ARHGAP42: variants seen among roughly 807,000 people sequenced by gnomAD.
ARHGAP42 encodes Rho GTPase activating protein 42, also known as rho GTPase-activating protein 42.
Under a neutral mutation model 125.0 loss-of-function variants are expected in ARHGAP42, and 63 were observed. That is an observed-to-expected ratio of 0.50 (90% CI 0.41 to 0.62). The LOEUF is 0.62. Ranked by LOEUF, ARHGAP42 falls within the 20% of genes least tolerant of loss-of-function variation. The pLI is 0.00. For synonymous variants in ARHGAP42, 339 were observed against 351.0 expected, an observed-to-expected ratio of 0.97 and a Z score of 0.38; for missense variants, 766 against 1,024.2, an observed-to-expected ratio of 0.75 and a Z score of 3.44.
At chr11:100,985,074 C>T (rs544581293) in intron 22 of ARHGAP42, among the ~76,000 whole-genome samples, 1 of 152,144 alleles carries the variant, frequency 6.6e-6, no homozygotes, top group East Asian at 1.9e-4. Context: ...ATTTATTTAG[C>T]GATATAATTA....
At chr11:100,756,585 C>G (rs1053328118) in intron 1 of ARHGAP42, among the ~76,000 whole-genome samples, 1 of 152,116 alleles carries the variant, frequency 6.6e-6, no homozygotes, top group Non-Finnish European at 1.5e-5. Flanking sequence ...TGAATGGTGA[C>G]CCAATCATAG....
intron 17 of ARHGAP42, among the ~76,000 whole-genome samples, chr11:100,970,218 T>C (rs916546914): frequency 2.0e-5 from 3 of 152,110 alleles, no homozygotes; most frequent in African/African-American, 7.2e-5. Flanking sequence ...GAACTCCTGA[T>C]CCTCAGGTGA....
chr11:100,973,265 T>C lies in ARHGAP42; in HGVS notation c.1641T>C (p.Thr547=). 6.4e-7 allele frequency: 1 copy of C among 1,551,150 alleles called. No individual in the cohort carries two copies. Among genetic ancestry groups the C allele is most frequent in the Non-Finnish European group, 8.7e-7 (1 of 1,146,674 alleles). Residue 547 remains threonine (T), a synonymous_variant, in exon 18 of 24, where the codon ACT becomes ACC. Transcript: ENST00000298815. ...GPTLMRAQEE[T]VAAMMNIKFQ... Reference sequence around the variant, plus strand: ...CTCTAATGAGAGCACAGGAAGAAACTGTGGCTGCTATGATGAATATTAAAT... The same window carrying C: ...CTCTAATGAGAGCACAGGAAGAAACCGTGGCTGCTATGATGAATATTAAAT...
intron 3 of ARHGAP42, among the ~76,000 whole-genome samples, chr11:100,806,455 T>C (rs1200411493): frequency 2.6e-5 from 4 of 152,222 alleles, no homozygotes; most frequent in Non-Finnish European, 5.9e-5. Context: ...CTCAGATAAA[T>C]GAGGCACAGT....
intron 2 of ARHGAP42, among the ~76,000 whole-genome samples, chr11:100,784,976 A>G (rs1015567679): frequency 6.6e-6 from 1 of 152,216 alleles, no homozygotes; most frequent in Non-Finnish European, 1.5e-5. Flanking sequence ...CTAGCACCGT[A>G]TCAGGTAAAT....
intron 1 of ARHGAP42, among the ~76,000 whole-genome samples, chr11:100,735,000 C>G (rs181065928): frequency 2.6e-4 from 39 of 150,284 alleles, no homozygotes; most frequent in African/African-American, 9.7e-4. Flanking sequence ...ACTACAACAA[C>G]AAAACAACAA....
intron 22 of ARHGAP42, 29 bp downstream of exon 22, chr11:100,979,078 TA>T (rs34577066): frequency 3.4e-5 from 52 of 1,544,078 alleles, no homozygotes; most frequent in African/African-American, 3.0e-4. Context: ...TAAATGCATC[TA>T]AAAAAAAGTG....
rs543301027 is a variant in ARHGAP42 at position 100,735,418 on chromosome 11, G to T, written c.155-34925G>T. Among the ~76,000 whole-genome samples the T allele has an allele frequency of 1.1e-4, 16 of 152,018 alleles. 1 individual carries two copies. The South Asian group carries it at 3.3e-3, about 32-fold the overall frequency. On this transcript the variant is annotated intron_variant, in intron 1 of 23. Transcript: ENST00000298815. The stretch of plus-strand genomic sequence containing the variant: ...ATAATGTCACTTTAAGTCATTTTCT[G>T]TTTCTTTACATGATTTCTAGTTTTA...
Position 100,976,422 on chromosome 11 carries a change from A to G in ARHGAP42, c.2221A>G (p.Ile741Val). ...KRASASSLRS[I>V]SAAEGNKSYS... is the part of the protein sequence containing the mutation. Reference sequence around the variant, plus strand: ...AGCTTCTGCTTCTTCTCTCAGATCCATCTCTGCAGCTGAAGGTAAGGCAGA... The same window carrying G: ...AGCTTCTGCTTCTTCTCTCAGATCCGTCTCTGCAGCTGAAGGTAAGGCAGA... The change falls in exon 20 of 24, where the codon ATC (isoleucine) becomes GTC (valine). Residue 741 changes from isoleucine (I) to valine (V), a missense_variant. Physicochemically the swap from Ile to Val is conservative, Grantham distance 29 (BLOSUM62 3). This residue lies in a region of ARHGAP42 where 308 missense variants were observed against 369.7 expected (regional missense o/e 0.83). Coordinates refer to ENST00000298815, the MANE Select transcript of ARHGAP42 (RefSeq NM_152432.4). 1 of 1,531,464 alleles carries G rather than the reference A, an allele frequency of 6.5e-7. No individual in the cohort carries two copies. Among genetic ancestry groups the G allele is most frequent in the Non-Finnish European group, 8.8e-7 (1 of 1,140,294 alleles). 94.9% of individuals were successfully genotyped at this position (1,531,464 alleles called of 1,614,324 possible). A position where few individuals can be genotyped will look rare whatever the true frequency, so the allele number is the denominator to read the frequency against.
chr11:100,897,685 G>C (rs975409088), intron 4 of ARHGAP42, among the ~76,000 whole-genome samples: 1 of 152,186 alleles, frequency 6.6e-6, no homozygotes, highest in African/African-American at 2.4e-5. Context: ...TTTGCACATT[G>C]ATTATGTATC....
At chr11:100,764,560 G>A (rs1862786854) in intron 1 of ARHGAP42, among the ~76,000 whole-genome samples, 1 of 152,212 alleles carries the variant, frequency 6.6e-6, no homozygotes, top group Non-Finnish European at 1.5e-5. Flanking sequence ...GTTATTGAAA[G>A]TGTACATTAA....
intron 1 of ARHGAP42, among the ~76,000 whole-genome samples, chr11:100,767,554 T>C (rs1291384154): frequency 6.6e-6 from 1 of 152,074 alleles, no homozygotes; most frequent in African/African-American, 2.4e-5. Flanking sequence ...TCAAGAACGG[T>C]CTGGGAAGAA....
intron 3 of ARHGAP42, among the ~76,000 whole-genome samples, chr11:100,854,034 T>C (rs1865268034): frequency 6.6e-6 from 1 of 152,106 alleles, no homozygotes; most frequent in East Asian, 1.9e-4. Context: ...ATTTAAGCTT[T>C]ATAAGCAGGT....
Position 100,921,371 on chromosome 11 carries a change from A to G in ARHGAP42, c.487-123A>G, listed in dbSNP as rs2135244187. 3 of 668,616 alleles carry G rather than the reference A, an allele frequency of 4.5e-6. No individual in the cohort carries two copies. In the South Asian group the frequency reaches 5.5e-5, roughly 12 times the overall value. 41.4% of individuals were successfully genotyped at this position (668,616 alleles called of 1,614,324 possible). A position where few individuals can be genotyped will look rare whatever the true frequency, so the allele number is the denominator to read the frequency against. On this transcript the variant is annotated intron_variant, in intron 5 of 23. Coordinates refer to ENST00000298815, the MANE Select transcript of ARHGAP42 (RefSeq NM_152432.4). The stretch of plus-strand genomic sequence containing the variant: ...ACACTATAAGCTCCTGTAGGCAAGG[A>G]CTATAATAAGTGCTGTGTTAAACTT...
intron 4 of ARHGAP42, among the ~76,000 whole-genome samples, chr11:100,897,605 G>A (rs1435704932): frequency 6.6e-6 from 1 of 152,100 alleles, no homozygotes; most frequent in Non-Finnish European, 1.5e-5. Flanking sequence ...TGAAGCAATT[G>A]TGAATGGGAG....
chr11:100,937,607 C>T (rs1056863976), intron 8 of ARHGAP42, among the ~76,000 whole-genome samples: 6 of 152,074 alleles, frequency 3.9e-5, no homozygotes, highest in African/African-American at 9.7e-5. Context: ...GGGCAGTAAA[C>T]GTGAAAGTGG....
intron 22 of ARHGAP42, chr11:100,986,230 C>A: frequency 2.7e-6 from 1 of 368,834 alleles, no homozygotes; most frequent in African/African-American, 2.1e-5. Context: ...GTTCCCTGGG[C>A]AGCTATTTCA....
At chr11:100,981,292 C>T (rs1045275916) in intron 22 of ARHGAP42, among the ~76,000 whole-genome samples, 2 of 152,152 alleles carry the variant, frequency 1.3e-5, no homozygotes, top group South Asian at 2.1e-4. Flanking sequence ...GCCTAAGACA[C>T]TCAAGCCTCT....
At chr11:100,817,197 G>A (rs1035909184) in intron 3 of ARHGAP42, among the ~76,000 whole-genome samples, 3 of 152,122 alleles carry the variant, frequency 2.0e-5, no homozygotes, top group East Asian at 1.9e-4. Context: ...GATATTTAGC[G>A]GCATCCCTGT....
Sources: gnomAD v4.1 joint callset for allele counts (sites outside exome capture counted in the v4.1 genomes callset) on GRCh38, gnomAD v4.1.1 for gene constraint, gnomAD v4.1.1 regional missense constraint, MANE v1.5 for transcripts, NCBI Gene and HGNC (gene_info 2026-07-23, HGNC 2026-07-21) for gene names.